PRKCA: variants seen among roughly 807,000 people sequenced by gnomAD.
The protein encoded by PRKCA is protein kinase C alpha type.
Under a neutral mutation model 87.0 loss-of-function variants are expected in PRKCA, and 27 were observed. The ratio of observed to expected loss-of-function variants is 0.31; its 90% CI spans 0.23 to 0.43. PRKCA has a LOEUF of 0.43. PRKCA is among the 20% of genes least tolerant of loss of function. PRKCA has a pLI of 1.00. For missense variants in PRKCA, 518 were observed against 852.3 expected (o/e 0.61, Z 4.88); for synonymous variants, 329 against 311.1 (o/e 1.06, Z -0.61).
chr17:66,413,067 T>G (rs1911910185), intron 2 of PRKCA, among the ~76,000 whole-genome samples: 1 of 152,130 alleles, frequency 6.6e-6, no homozygotes. Flanking sequence ...CTGGCAGTAG[T>G]GTCAGATCCC....
intron 2 of PRKCA, among the ~76,000 whole-genome samples, chr17:66,388,692 C>T (rs541389978): frequency 1.1e-3 from 173 of 152,298 alleles, no homozygotes; most frequent in African/African-American, 4.0e-3. Context: ...TTACCAAACA[C>T]GTGCATGCAA....
At chr17:66,775,694 G>C (rs1975030518) in intron 14 of PRKCA, 1 of 985,290 alleles carries the variant, frequency 1.0e-6, no homozygotes, top group African/African-American at 1.7e-5. Flanking sequence ...CTTTGTTTCT[G>C]GGGAAAAAGT....
intron 2 of PRKCA, among the ~76,000 whole-genome samples, chr17:66,488,097 C>G (rs939759858): frequency 6.6e-6 from 1 of 152,108 alleles, no homozygotes; most frequent in Non-Finnish European, 1.5e-5. Flanking sequence ...TCGTATAATA[C>G]TCAGATTGCA....
chr17:66,506,735 G>C (rs8079964), intron 3 of PRKCA, among the ~76,000 whole-genome samples: 16,228 of 152,224 alleles, frequency 0.11, 2,721 homozygotes, highest in African/African-American at 0.36. Context: ...TCAAAGTGTA[G>C]TCTTCACTAT....
Position 66,786,905 on chromosome 17 carries a change from G to T in PRKCA, c.1644G>T (p.Gln548His), listed in dbSNP as rs34133255. The change falls in exon 15 of 17, where the codon CAG (glutamine) becomes CAT (histidine). Residue 548 changes from glutamine to histidine, a missense_variant. Gln to His is a conservative substitution (Grantham distance 24, BLOSUM62 0). Transcript: ENST00000413366. ...FDGEDEDELFQSIMEHNVSYP... is the reference protein window; with the variant it reads ...FDGEDEDELFHSIMEHNVSYP... ...GTGAAGATGAAGACGAGCTATTTCA[G>T]TCTATCATGGAGCACAACGTTTCCT... is the stretch of plus-strand genomic sequence containing the variant. 1 of 1,614,164 alleles carries T rather than the reference G, an allele frequency of 6.2e-7. No individual in the cohort carries two copies. The highest frequency in any genetic ancestry group is 1.6e-4 in the Middle Eastern group (1 of 6,062).
chr17:66,327,303 C>A (rs372514449), intron 2 of PRKCA, among the ~76,000 whole-genome samples: 18 of 143,838 alleles, frequency 1.3e-4, no homozygotes, highest in African/African-American at 4.7e-4. Context: ...GGAGGCGGAG[C>A]TTGCAGTGAG....
chr17:66,345,476 TC>T (rs762055775), intron 2 of PRKCA, among the ~76,000 whole-genome samples: 9 of 152,284 alleles, frequency 5.9e-5, no homozygotes, highest in Non-Finnish European at 1.3e-4. Flanking sequence ...ATCCGTGTCA[TC>T]CCGGGTCATC....
At chr17:66,714,418 C>A (rs1973421623) in intron 8 of PRKCA, among the ~76,000 whole-genome samples, 1 of 152,208 alleles carries the variant, frequency 6.6e-6, no homozygotes. Flanking sequence ...TCCACCTTGC[C>A]CTCAGGCAGC....
intron 8 of PRKCA, among the ~76,000 whole-genome samples, chr17:66,694,765 G>GT (rs1185686337): frequency 2.2e-5 from 2 of 91,750 alleles, no homozygotes; most frequent in Admixed American, 1.3e-4. Flanking sequence ...ATTTCCAATG[G>GT]TTAAAAAAAA....
At chr17:66,543,288 G>A (rs1968045935) in intron 3 of PRKCA, among the ~76,000 whole-genome samples, 1 of 152,160 alleles carries the variant, frequency 6.6e-6, no homozygotes, top group Middle Eastern at 3.2e-3. Flanking sequence ...TGCAGTATTT[G>A]TGGTTTCCTG....
chr17:66,373,367 G>C (rs1909226717), intron 2 of PRKCA, among the ~76,000 whole-genome samples: 1 of 152,188 alleles, frequency 6.6e-6, no homozygotes, highest in South Asian at 2.1e-4. Flanking sequence ...TTGTGGCCCA[G>C]AGAGGGTAAG....
rs1452015106 is a variant in PRKCA, at chr17:66,689,645, C to A, written c.918+598C>A. On this transcript the variant is annotated intron_variant, in intron 8 of 16. Coordinates refer to ENST00000413366, the MANE Select transcript of PRKCA (RefSeq NM_002737.3). The surrounding 1 kb of genome is among the most constrained non-coding windows in gnomAD (Gnocchi z 4.1). ...GGATTCACTGGTCTTTTTACTTCTC[C>A]TCCTCTGCTCCTTACTCCTCTTTTT... 1.3e-5 allele frequency among the ~76,000 whole-genome samples: 2 copies of A among 152,112 alleles called. No homozygotes were observed. The highest frequency in any genetic ancestry group is 2.9e-5 in the Non-Finnish European group (2 of 68,020).
At chr17:66,555,463 G>A (rs1016351142) in intron 3 of PRKCA, among the ~76,000 whole-genome samples, 4 of 152,016 alleles carry the variant, frequency 2.6e-5, no homozygotes, top group African/African-American at 7.2e-5. Context: ...TGTGCCACAC[G>A]CTTCCCCACT....
chr17:66,723,567 G>T (rs1973667864), intron 8 of PRKCA, among the ~76,000 whole-genome samples: 1 of 151,830 alleles, frequency 6.6e-6, no homozygotes, highest in Non-Finnish European at 1.5e-5. Context: ...GGTGGAGGTT[G>T]CAGTGAGCCG....
At chr17:66,391,098 G>A (rs535908232) in intron 2 of PRKCA, among the ~76,000 whole-genome samples, 20 of 152,198 alleles carry the variant, frequency 1.3e-4, no homozygotes, top group South Asian at 4.2e-4. Context: ...AAAGACCTCC[G>A]GGTATTTTTC....
At chr17:66,508,353 T>C (rs1023394297) in intron 3 of PRKCA, among the ~76,000 whole-genome samples, 1 of 152,246 alleles carries the variant, frequency 6.6e-6, no homozygotes, top group African/African-American at 2.4e-5. Context: ...TTAAGAAGAA[T>C]GTCATGGCCA....
chr17:66,526,907 C>T (rs1309177764), intron 3 of PRKCA, among the ~76,000 whole-genome samples: 2 of 152,150 alleles, frequency 1.3e-5, no homozygotes, highest in Non-Finnish European at 2.9e-5. Context: ...CTGCGTATAA[C>T]ATTGAAGACA....
intron 3 of PRKCA, among the ~76,000 whole-genome samples, chr17:66,554,810 GT>G (rs1968445823): frequency 6.6e-6 from 1 of 151,670 alleles, no homozygotes; most frequent in Admixed American, 6.6e-5. Flanking sequence ...CTAAACACTT[GT>G]AGTACTGTGT....
At chr17:66,610,218 A>G (rs1024348905) in intron 3 of PRKCA, among the ~76,000 whole-genome samples, 3 of 152,196 alleles carry the variant, frequency 2.0e-5, no homozygotes, top group Non-Finnish European at 4.4e-5. Flanking sequence ...TATCAAGGAT[A>G]TTACAAAGGA....
Sources: allele counts gnomAD v4.1 joint callset (sites outside exome capture counted in the v4.1 genomes callset), GRCh38; gene constraint gnomAD v4.1.1; non-coding constraint Gnocchi (gnomAD v3.1); transcripts MANE v1.5; gene names NCBI Gene and HGNC (gene_info 2026-07-23, HGNC 2026-07-21).